Variants in RARB observed in about 807,000 individuals in gnomAD.
RARB encodes the protein HBV-activated protein.
RARB carries 17 observed loss-of-function variants against 51.9 expected under a neutral mutation model. The ratio of observed to expected loss-of-function variants is 0.33; its 90% CI spans 0.22 to 0.49. The LOEUF is 0.49. Ranked by LOEUF, RARB falls within the 20% of genes least tolerant of loss-of-function variation. RARB has a pLI of 0.99. For synonymous variants in RARB, 215 were observed against 195.4 expected (o/e 1.10, Z -0.84); for missense variants, 369 against 550.8 (o/e 0.67, Z 3.30).
intron 2 of RARB, among the ~76,000 whole-genome samples, chr3:24,964,505 C>A (rs1696212102): frequency 6.6e-6 from 1 of 152,124 alleles, no homozygotes; most frequent in Non-Finnish European, 1.5e-5. Flanking sequence ...ATATTCTAAC[C>A]CTTTTAACAT....
chr3:25,458,979 G>A (rs1467572594), intron 1 of RARB, among the ~76,000 whole-genome samples: 1 of 152,190 alleles, frequency 6.6e-6, no homozygotes, highest in African/African-American at 2.4e-5. Flanking sequence ...TATCTGCCAT[G>A]TGCCAGGACC....
chr3:25,373,035 A>C (rs1706351017), intron 5 of RARB, among the ~76,000 whole-genome samples: 1 of 152,124 alleles, frequency 6.6e-6, no homozygotes, highest in Non-Finnish European at 1.5e-5. Flanking sequence ...ACTGAGGAGC[A>C]AGGCTGGGTG....
At chr3:25,063,688 G>A (rs183106491) in intron 3 of RARB, among the ~76,000 whole-genome samples, 12 of 151,154 alleles carry the variant, frequency 7.9e-5, no homozygotes, top group Admixed American at 2.0e-4. Flanking sequence ...AAAGGGGTCC[G>A]TAGACCTTGT....
At chr3:25,531,290 A>T (rs1698895915) in intron 3 of RARB, among the ~76,000 whole-genome samples, 1 of 152,116 alleles carries the variant, frequency 6.6e-6, no homozygotes, top group Non-Finnish European at 1.5e-5. Flanking sequence ...GCAAAGAGAT[A>T]CAAGTGTGGG....
At chr3:25,276,252 G>C (rs1407466182) in intron 5 of RARB, among the ~76,000 whole-genome samples, 1 of 152,152 alleles carries the variant, frequency 6.6e-6, no homozygotes, top group African/African-American at 2.4e-5. Context: ...CTGATGTTTA[G>C]TAGTGATCTT....
At chr3:25,256,384 C>G (rs1702865804) in intron 5 of RARB, among the ~76,000 whole-genome samples, 1 of 152,100 alleles carries the variant, frequency 6.6e-6, no homozygotes, top group African/African-American at 2.4e-5. Context: ...AATCTATTTA[C>G]CTTTATTCTT....
chr3:24,872,311 T>C (rs1405959054), intron 2 of RARB, among the ~76,000 whole-genome samples: 1 of 152,188 alleles, frequency 6.6e-6, no homozygotes, highest in Non-Finnish European at 1.5e-5. Flanking sequence ...GTTTCAGCTC[T>C]TCTATCTGGA....
intron 2 of RARB, among the ~76,000 whole-genome samples, chr3:24,917,691 T>A (rs2125384366): frequency 6.6e-6 from 1 of 152,190 alleles, no homozygotes; most frequent in East Asian, 1.9e-4. Context: ...CCATGCCTGC[T>A]AATTTCTCTA....
Position 25,283,300 on chromosome 3 carries a change from G to A in RARB, c.178+108725G>A, listed in dbSNP as rs568729879. 7.2e-4 allele frequency among the ~76,000 whole-genome samples: 109 copies of A among 152,326 alleles called. 1 individual carries two copies. The highest frequency in any genetic ancestry group is 2.6e-3 in the African/African-American group (107 of 41,580). On this transcript the variant is annotated intron_variant, in intron 5 of 11. Coordinates refer to the RARB transcript ENST00000383772. ...GGCAAAAGAGCAGAGCTGGGCTTGT[G>A]GAAACCAGTCAGAGCTCTGAGAATA...
chr3:25,436,855 C>T (rs560323403), intron 1 of RARB, among the ~76,000 whole-genome samples: 3 of 152,322 alleles, frequency 2.0e-5, no homozygotes, highest in South Asian at 2.1e-4. Flanking sequence ...AATTACCCTT[C>T]CATGCATCTC....
intron 4 of RARB, among the ~76,000 whole-genome samples, chr3:25,135,865 C>T (rs1047587593): frequency 7.9e-5 from 12 of 151,906 alleles, no homozygotes; most frequent in African/African-American, 2.7e-4. Flanking sequence ...AATGTCACAA[C>T]ATCATGAACA....
At chr3:25,551,534 T>C (rs1375790454) in intron 3 of RARB, among the ~76,000 whole-genome samples, 1 of 152,170 alleles carries the variant, frequency 6.6e-6, no homozygotes, top group Non-Finnish European at 1.5e-5. Context: ...GAAAGAGTTA[T>C]GTGGAGCAGC....
intron 2 of RARB, among the ~76,000 whole-genome samples, chr3:24,890,283 T>C (rs1394201347): frequency 6.6e-6 from 1 of 152,184 alleles, no homozygotes; most frequent in Non-Finnish European, 1.5e-5. Context: ...TCAACCTGTG[T>C]GTATTTCTAA....
At chr3:25,488,159 G>A (rs1473226399) in intron 2 of RARB, among the ~76,000 whole-genome samples, 3 of 152,210 alleles carry the variant, frequency 2.0e-5, no homozygotes. Context: ...CAGATCTTTG[G>A]TGGTTAAATG....
intron 3 of RARB, among the ~76,000 whole-genome samples, chr3:25,550,022 A>G (rs1699782906): frequency 6.6e-6 from 1 of 152,150 alleles, no homozygotes; most frequent in African/African-American, 2.4e-5. Flanking sequence ...GTCTCTATTC[A>G]GGATATGAGT....
At chr3:25,200,353 G>C (rs1402627727) in intron 5 of RARB, among the ~76,000 whole-genome samples, 2 of 151,974 alleles carry the variant, frequency 1.3e-5, no homozygotes, top group African/African-American at 2.4e-5. Context: ...CCCTTTGTCA[G>C]ATAAGTAGAT....
chr3:25,539,296 C>T (rs1699268895), intron 3 of RARB, among the ~76,000 whole-genome samples: 1 of 152,190 alleles, frequency 6.6e-6, no homozygotes, highest in Non-Finnish European at 1.5e-5. Flanking sequence ...GAAGCAGGGA[C>T]AATTAGAAAG....
chr3:25,536,792 G>C (rs772276444), intron 3 of RARB, among the ~76,000 whole-genome samples: 6 of 152,208 alleles, frequency 3.9e-5, no homozygotes, highest in Admixed American at 3.3e-4. Context: ...AAAAGTTTGT[G>C]GGGTAAGTGG....
chr3:25,594,422 A>C lies in RARB; in HGVS notation c.992-98A>C, dbSNP rs57466864. ...AATTTGTGTATGTAATTGAATTACC[A>C]AATTAATGAACTCATAACAGTAGGA... is the stretch of plus-strand genomic sequence containing the variant. On this transcript the variant is annotated intron_variant, in intron 6 of 7. Transcript: ENST00000330688. The C allele has an allele frequency of 3.8e-3, 4,830 of 1,263,490 alleles. 157 individuals carry two copies. In the African/African-American group the frequency reaches 0.061, roughly 16 times the overall value. The allele number at this position is 1,263,490 out of a possible 1,614,324, so 78.3% of individuals were successfully genotyped here.
Sources: allele counts gnomAD v4.1 joint callset (sites outside exome capture counted in the v4.1 genomes callset), GRCh38; gene constraint gnomAD v4.1.1; transcripts MANE v1.5; gene names NCBI Gene and HGNC (gene_info 2026-07-23, HGNC 2026-07-21).